Variants in SH3PXD2B observed in about 807,000 individuals in gnomAD.
SH3PXD2B encodes SH3 and PX domains 2B.
Under a neutral mutation model 73.1 loss-of-function variants are expected in SH3PXD2B, and 37 were observed. The ratio of observed to expected loss-of-function variants is 0.51; its 90% CI spans 0.39 to 0.67. SH3PXD2B has a LOEUF of 0.67. SH3PXD2B is among the 30% of genes least tolerant of loss of function. The probability of loss-of-function intolerance (pLI) is 0.00; values close to 1 mark genes in which losing one functional copy is unlikely to be tolerated. For missense variants in SH3PXD2B, 1,053 were observed against 1,197.8 expected, an observed-to-expected ratio of 0.88 and a Z score of 1.78; for synonymous variants, 457 against 480.5, an observed-to-expected ratio of 0.95 and a Z score of 0.64.
intron 11 of SH3PXD2B, among the ~76,000 whole-genome samples, chr5:172,346,479 G>A (rs1003607092): frequency 6.6e-6 from 1 of 152,108 alleles, no homozygotes; most frequent in Non-Finnish European, 1.5e-5. Context: ...GAAGAAACAC[G>A]GGACATTTGG....
At chr5:172,386,974 G>C (rs1758073461) in intron 4 of SH3PXD2B, among the ~76,000 whole-genome samples, 1 of 152,162 alleles carries the variant, frequency 6.6e-6, no homozygotes, top group Non-Finnish European at 1.5e-5. Context: ...ATTGTTTTCA[G>C]AAGTTCAAAA....
At chr5:172,396,679 G>A (rs2113404548) in intron 3 of SH3PXD2B, among the ~76,000 whole-genome samples, 1 of 150,508 alleles carries the variant, frequency 6.6e-6, no homozygotes, top group South Asian at 2.1e-4. Context: ...GGGTGCGGTG[G>A]CTCACGCCTG....
intron 8 of SH3PXD2B, among the ~76,000 whole-genome samples, chr5:172,355,480 A>G (rs1298524293): frequency 1.3e-5 from 2 of 151,910 alleles, no homozygotes; most frequent in East Asian, 1.9e-4. Flanking sequence ...GAGTGCAGTC[A>G]GTTCTCTGAG....
chr5:172,348,329 GC>G (rs1255131631), intron 10 of SH3PXD2B, among the ~76,000 whole-genome samples: 2 of 151,780 alleles, frequency 1.3e-5, no homozygotes, highest in Non-Finnish European at 2.9e-5. Flanking sequence ...GGAAAGCAAC[GC>G]CTTTTTTTTT....
chr5:172,411,983 G>T (rs1758712060), intron 2 of SH3PXD2B, among the ~76,000 whole-genome samples: 1 of 150,568 alleles, frequency 6.6e-6, no homozygotes, highest in Non-Finnish European at 1.5e-5. Flanking sequence ...CCTCCCCCTG[G>T]GCCCTGGCAA....
At chr5:172,360,117 G>A (rs1757366314) in intron 7 of SH3PXD2B, among the ~76,000 whole-genome samples, 1 of 152,164 alleles carries the variant, frequency 6.6e-6, no homozygotes, top group Non-Finnish European at 1.5e-5. Flanking sequence ...TAATAAATAT[G>A]TGCTGTCGGC....
intron 10 of SH3PXD2B, among the ~76,000 whole-genome samples, chr5:172,349,769 G>A (rs1757116905): frequency 6.6e-6 from 1 of 152,204 alleles, no homozygotes; most frequent in Admixed American, 6.5e-5. Flanking sequence ...CATGTAGCAG[G>A]TGCTTGAAAA....
At chr5:172,355,669 C>A (rs1484328725) in intron 8 of SH3PXD2B, among the ~76,000 whole-genome samples, 1 of 152,040 alleles carries the variant, frequency 6.6e-6, no homozygotes, top group Admixed American at 6.6e-5. Context: ...CTCAGCCTCC[C>A]GAGTAGCTGG....
chr5:172,414,363 G>A (rs1269322351), intron 2 of SH3PXD2B, among the ~76,000 whole-genome samples: 2 of 151,598 alleles, frequency 1.3e-5, no homozygotes, highest in Non-Finnish European at 2.9e-5. Context: ...CAGCTACTCC[G>A]GAGGCTGAGG....
At position 172,423,554 on chromosome 5, in the gene SH3PXD2B, G is replaced by GGGGT. The variant is rs1554141224; in HGVS notation, c.76-1059_76-1058insACCC. The stretch of plus-strand genomic sequence containing the variant: ...CACTTGGATACGGGGTTGGGGGGGG[G>GGGGT]GGCGCACATTCTCTGTTCATGGTGA... On this transcript the variant is annotated intron_variant, in intron 1 of 12. Coordinates refer to ENST00000311601, the MANE Select transcript of SH3PXD2B (RefSeq NM_001017995.3). Among the ~76,000 whole-genome samples, 109 of 144,700 alleles carry GGGGT rather than the reference G, an allele frequency of 7.5e-4. 2 individuals are homozygous for GGGGT. Among genetic ancestry groups the GGGGT allele is most frequent in the African/African-American group, 2.7e-3 (102 of 38,392 alleles). 94.9% of individuals were successfully genotyped at this position (144,700 alleles called of 152,430 possible).
At chr5:172,351,677 A>C (rs1757161546) in intron 9 of SH3PXD2B, among the ~76,000 whole-genome samples, 2 of 152,180 alleles carry the variant, frequency 1.3e-5, no homozygotes, top group Non-Finnish European at 2.9e-5. Context: ...CCAAAAAAAC[A>C]GGTGGCCAGA....
At chr5:172,363,119 T>C (rs946088466) in intron 6 of SH3PXD2B, among the ~76,000 whole-genome samples, 2 of 152,186 alleles carry the variant, frequency 1.3e-5, no homozygotes, top group Admixed American at 1.3e-4. Context: ...TCTGAAGATG[T>C]TGACAGCCTA....
intron 1 of SH3PXD2B, among the ~76,000 whole-genome samples, chr5:172,446,094 G>A (rs899981962): frequency 2.0e-5 from 3 of 152,130 alleles, no homozygotes; most frequent in African/African-American, 7.2e-5. Context: ...GGGGCCAGCT[G>A]ACCCCCCCGA....
At chr5:172,329,075 A>ATTTTTTT (rs1561884420), downstream of SH3PXD2B, among the ~76,000 whole-genome samples, 8 of 71,106 alleles carry the variant, frequency 1.1e-4, no homozygotes, top group African/African-American at 3.9e-4. Context: ...ATATATATAT[A>ATTTTTTT]TATATATATT....
chr5:172,428,657 G>C (rs1353575648), intron 1 of SH3PXD2B, among the ~76,000 whole-genome samples: 1 of 152,200 alleles, frequency 6.6e-6, no homozygotes, highest in African/African-American at 2.4e-5. Context: ...TAGCCTCATG[G>C]ATAGAGGGAC....
At position 172,454,356 on chromosome 5, in the gene SH3PXD2B, C is replaced by G. The variant is rs1357185860; in HGVS notation, c.-4G>C. On this transcript the variant is annotated 5_prime_UTR_variant, in exon 1 of 13. Transcript: ENST00000311601. ...CGATGCTGCGCCGCGGCGGCATGGC[C>G]GCTCCTCCGCCCGCAGCGGGCCGAG... 9 of 1,505,006 alleles carry G rather than the reference C, an allele frequency of 6.0e-6. No individual in the cohort carries two copies. The highest frequency in any genetic ancestry group is 7.1e-6 in the Non-Finnish European group (8 of 1,128,342). The allele number at this position is 1,505,006 out of a possible 1,614,324, so 93.2% of individuals were successfully genotyped here.
rs542493448 is a variant in SH3PXD2B, at chr5:172,375,401, G to C, written c.402-1586C>G. ...AAACAAACAAAACCCATCCTTTTAA[G>C]GTATACAATTTACTGGTTTTTAGTA... On this transcript the variant is annotated intron_variant, in intron 5 of 12. Coordinates refer to ENST00000311601, the MANE Select transcript of SH3PXD2B (RefSeq NM_001017995.3). Among the ~76,000 whole-genome samples the C allele has an allele frequency of 2.0e-5, 3 of 152,170 alleles. No homozygotes were observed. The East Asian group carries it at 5.8e-4, about 29-fold the overall frequency.
rs1263902840 is a variant in SH3PXD2B at position 172,421,359 on chromosome 5, G to C, written c.156+1057C>G. On this transcript the variant is annotated intron_variant, in intron 2 of 12. Coordinates refer to ENST00000311601, the MANE Select transcript of SH3PXD2B (RefSeq NM_001017995.3). This position sits in a 1 kb window ranked among gnomAD's most constrained non-coding sequence, Gnocchi z 4.0. ...TACCGAGCTGTTCACATTCTGCCTGGCTCCCTATAAGACTGGTAGTATACA... is the reference window on the plus strand; with the variant it reads ...TACCGAGCTGTTCACATTCTGCCTGCCTCCCTATAAGACTGGTAGTATACA... Among the ~76,000 whole-genome samples, 1 of 152,168 alleles carries C rather than the reference G, an allele frequency of 6.6e-6. No homozygotes were observed. Among genetic ancestry groups the C allele is most frequent in the African/African-American group, 2.4e-5 (1 of 41,448 alleles).
At chr5:172,361,756 G>C (rs772600344) in intron 7 of SH3PXD2B, among the ~76,000 whole-genome samples, 2 of 152,162 alleles carry the variant, frequency 1.3e-5, no homozygotes, top group Non-Finnish European at 2.9e-5. Context: ...TGTGAAGCAG[G>C]GATGGCAACT....
Sources: allele counts gnomAD v4.1 joint callset (sites outside exome capture counted in the v4.1 genomes callset), GRCh38; gene constraint gnomAD v4.1.1; non-coding constraint Gnocchi (gnomAD v3.1); transcripts MANE v1.5; gene names NCBI Gene and HGNC (gene_info 2026-07-23, HGNC 2026-07-21).